TMEM132B: variants seen among roughly 807,000 people sequenced by gnomAD.
The protein encoded by TMEM132B is transmembrane protein 132B.
Under a neutral mutation model 90.8 loss-of-function variants are expected in TMEM132B, and 18 were observed. That is an observed-to-expected ratio of 0.20 (90% CI 0.14 to 0.29). The LOEUF (loss-of-function observed/expected upper bound fraction) is 0.29. TMEM132B is among the 10% of genes least tolerant of loss of function. The pLI, the probability that TMEM132B is intolerant of heterozygous loss-of-function variation, is 1.00. For missense variants in TMEM132B, 1,096 were observed against 1,326.8 expected (o/e 0.83, Z 2.70); for synonymous variants, 504 against 523.3 (o/e 0.96, Z 0.50).
chr12:125,373,145 G>A (rs544917496), intron 2 of TMEM132B, among the ~76,000 whole-genome samples: 1 of 152,308 alleles, frequency 6.6e-6, no homozygotes, highest in Middle Eastern at 3.4e-3. Flanking sequence ...TCAGCTCCAT[G>A]CGGGCAGGGA....
chr12:125,276,269 G>T (rs553549328), intron 1 of TMEM132B, among the ~76,000 whole-genome samples: 34 of 152,314 alleles, frequency 2.2e-4, no homozygotes, highest in African/African-American at 8.2e-4. Context: ...ACCTCGAAGC[G>T]GTCAGACGAC....
At position 125,519,614 on chromosome 12, in the gene TMEM132B, C is replaced by A; in HGVS notation, c.1282C>A (p.Pro428Thr). 2 of 1,613,956 alleles carry A rather than the reference C, an allele frequency of 1.2e-6. No individual in the cohort carries two copies. The highest frequency in any genetic ancestry group is 2.2e-5 in the South Asian group (2 of 91,056). Residue 428 changes from proline (P) to threonine (T), a missense_variant, in exon 4 of 9, where the codon CCT (proline) becomes ACT (threonine). By Grantham distance (38) the Pro-to-Thr change is conservative. Transcript: ENST00000682704. Reference sequence around the variant, plus strand: ...CCAGACAACCTTCGTGGGCATCGTCCCTCTTGCCATGGTGAGGAATCTGGG... The same window carrying A: ...CCAGACAACCTTCGTGGGCATCGTCACTCTTGCCATGGTGAGGAATCTGGG... ...VSQTTFVGIVPLAMDTEVLNT... is the reference protein window; with the variant it reads ...VSQTTFVGIVTLAMDTEVLNT...
intron 1 of TMEM132B, among the ~76,000 whole-genome samples, chr12:125,191,711 G>A (rs996939682): frequency 2.0e-5 from 3 of 152,216 alleles, no homozygotes; most frequent in Non-Finnish European, 2.9e-5. Flanking sequence ...AGTCAACTCT[G>A]TAGGCAACTG....
At chr12:125,383,680 G>A (rs1878747004) in intron 2 of TMEM132B, among the ~76,000 whole-genome samples, 1 of 152,118 alleles carries the variant, frequency 6.6e-6, no homozygotes, top group South Asian at 2.1e-4. Flanking sequence ...AGAAACTTTT[G>A]TCTCTTCTTT....
rs141580480 is a variant in TMEM132B at position 125,314,870 on chromosome 12, G to A, written c.68-34582G>A. The stretch of plus-strand genomic sequence containing the variant: ...AAAGTGCCTCTGGTGGGCACTGGCT[G>A]CCATGTGGGAGGTCTGCAGATGCCG... On this transcript the variant is annotated intron_variant, in intron 1 of 8. Transcript: ENST00000682704. Among the ~76,000 whole-genome samples, 252 of 152,370 alleles carry A rather than the reference G, an allele frequency of 1.7e-3. 1 individual carries two copies. Among genetic ancestry groups the A allele is most frequent in the African/African-American group, 5.6e-3 (232 of 41,600 alleles).
intron 3 of TMEM132B, among the ~76,000 whole-genome samples, chr12:125,467,909 C>T (rs532849611): frequency 6.6e-6 from 1 of 152,278 alleles, no homozygotes; most frequent in South Asian, 2.1e-4. Flanking sequence ...TTTCAAGGTT[C>T]ATAATATTTT....
intron 3 of TMEM132B, among the ~76,000 whole-genome samples, chr12:125,431,488 G>C (rs1281371034): frequency 1.3e-5 from 2 of 152,216 alleles, no homozygotes; most frequent in South Asian, 4.2e-4. Context: ...GGAGAGTCTG[G>C]GATAAGGACC....
intron 1 of TMEM132B, among the ~76,000 whole-genome samples, chr12:125,335,410 T>C (rs1345479001): frequency 6.6e-6 from 1 of 152,208 alleles, no homozygotes; most frequent in Non-Finnish European, 1.5e-5. Context: ...TCCAGGCTCC[T>C]GGGGAGGGGC....
intron 1 of TMEM132B, among the ~76,000 whole-genome samples, chr12:125,202,023 C>G (rs1054371243): frequency 6.6e-6 from 1 of 152,188 alleles, no homozygotes; most frequent in African/African-American, 2.4e-5. Flanking sequence ...GCTGTAAATC[C>G]CTGTGGCTTG....
intron 3 of TMEM132B, among the ~76,000 whole-genome samples, chr12:125,437,680 A>T (rs1159147936): frequency 6.6e-6 from 1 of 152,234 alleles, no homozygotes; most frequent in African/African-American, 2.4e-5. Flanking sequence ...AACATGGAAG[A>T]ACCTTGAAAA....
intron 1 of TMEM132B, among the ~76,000 whole-genome samples, chr12:125,204,125 T>C (rs536801578): frequency 6.6e-6 from 1 of 152,370 alleles, no homozygotes; most frequent in East Asian, 1.9e-4. Flanking sequence ...CCAGGCACTG[T>C]GCTCAGCCCC....
At chr12:125,234,710 C>A (rs1458571384) in intron 1 of TMEM132B, among the ~76,000 whole-genome samples, 1 of 152,112 alleles carries the variant, frequency 6.6e-6, no homozygotes, top group Non-Finnish European at 1.5e-5. Context: ...AGGTCCTTGG[C>A]GCTGTTCATG....
intron 1 of TMEM132B, among the ~76,000 whole-genome samples, chr12:125,343,912 C>G (rs1457513498): frequency 3.9e-5 from 6 of 152,200 alleles, no homozygotes; most frequent in African/African-American, 1.4e-4. Context: ...TATCTATTAA[C>G]AACCCTGGGA....
intron 4 of TMEM132B, among the ~76,000 whole-genome samples, chr12:125,522,852 G>C (rs191639842): frequency 2.0e-5 from 3 of 152,214 alleles, no homozygotes; most frequent in Non-Finnish European, 2.9e-5. Context: ...GCCTAATATC[G>C]TGCCCATTGG....
intron 4 of TMEM132B, among the ~76,000 whole-genome samples, chr12:125,562,302 A>C (rs1198204114): frequency 2.0e-5 from 3 of 152,204 alleles, no homozygotes; most frequent in African/African-American, 7.2e-5. Context: ...GGCTGGTTCA[A>C]ACTTCTATCC....
intron 2 of TMEM132B, among the ~76,000 whole-genome samples, chr12:125,366,624 C>G (rs889228603): frequency 2.0e-5 from 3 of 152,168 alleles, no homozygotes; most frequent in Non-Finnish European, 4.4e-5. Context: ...AACGGTTTAG[C>G]TACAATGTGC....
intron 3 of TMEM132B, among the ~76,000 whole-genome samples, chr12:125,508,780 CTTTT>C (rs756913141): frequency 7.4e-6 from 1 of 135,962 alleles, no homozygotes; most frequent in African/African-American, 2.7e-5. Flanking sequence ...TTCTTTCTTT[CTTTT>C]TTTTTTTTTT....
chr12:125,573,064 C>T (rs1221251686), intron 4 of TMEM132B, among the ~76,000 whole-genome samples: 1 of 152,092 alleles, frequency 6.6e-6, no homozygotes, highest in African/African-American at 2.4e-5. Flanking sequence ...CTTGTACTTT[C>T]TTTGTCTTGG....
At chr12:125,365,925 A>C (rs1303704481) in intron 2 of TMEM132B, among the ~76,000 whole-genome samples, 1 of 152,040 alleles carries the variant, frequency 6.6e-6, no homozygotes, top group African/African-American at 2.4e-5. Context: ...TGTTAACTAT[A>C]ATTTCCCTAC....
Sources: allele counts gnomAD v4.1 joint callset (sites outside exome capture counted in the v4.1 genomes callset), GRCh38; gene constraint gnomAD v4.1.1; transcripts MANE v1.5; gene names NCBI Gene and HGNC (gene_info 2026-07-23, HGNC 2026-07-21).